KCNG3: variants seen among roughly 807,000 people sequenced by gnomAD.
KCNG3 encodes the protein voltage-gated potassium channel regulatory subunit KCNG3.
A neutral mutation model predicts 29.0 loss-of-function variants in KCNG3; 15 were observed. That is an observed-to-expected ratio of 0.52 (90% CI 0.35 to 0.80). The LOEUF (loss-of-function observed/expected upper bound fraction) is 0.80. KCNG3 is among the 30% of genes least tolerant of loss of function. The probability of loss-of-function intolerance (pLI) is 0.01; values close to 1 mark genes in which losing one functional copy is unlikely to be tolerated. For synonymous variants in KCNG3, 322 were observed against 248.9 expected (o/e 1.29, Z -2.76); for missense variants, 512 against 605.7 (o/e 0.85, Z 1.62).
the KCNG3 span, among the ~76,000 whole-genome samples, chr2:42,414,616 G>T: frequency 6.7e-6 from 1 of 148,952 alleles, no homozygotes; most frequent in Non-Finnish European, 1.5e-5. Flanking sequence ...CTGACAATTT[G>T]TGCCCTTTTT....
the KCNG3 span, among the ~76,000 whole-genome samples, chr2:42,422,104 G>A: frequency 2.6e-5 from 4 of 152,122 alleles, 1 homozygote; most frequent in African/African-American, 9.7e-5. Context: ...GTTTATGAGG[G>A]TGTGGTAAAA....
At chr2:42,408,849 C>T in the KCNG3 span, among the ~76,000 whole-genome samples, 8 of 152,294 alleles carry the variant, frequency 5.3e-5, no homozygotes, top group East Asian at 5.8e-4. Context: ...CAGTCCTTTG[C>T]GGAGCCCAAA....
At chr2:42,404,119 T>A in the KCNG3 span, among the ~76,000 whole-genome samples, 1 of 152,218 alleles carries the variant, frequency 6.6e-6, no homozygotes. Flanking sequence ...GCATGGGCAT[T>A]TGGGAGGCAG....
downstream of KCNG3, among the ~76,000 whole-genome samples, chr2:42,441,287 C>A (rs770083782): frequency 3.9e-5 from 6 of 152,016 alleles, no homozygotes; most frequent in Non-Finnish European, 8.8e-5. Context: ...ACTTGGGAGG[C>A]TGGGGTGGGA....
intron 1 of KCNG3, among the ~76,000 whole-genome samples, chr2:42,492,455 T>G (rs901817324): frequency 5.3e-5 from 8 of 152,196 alleles, no homozygotes; most frequent in African/African-American, 1.7e-4. Flanking sequence ...GGCAAATAAT[T>G]CAAACTGCGC....
At position 42,443,089 on chromosome 2, in the gene KCNG3, G is replaced by A. The variant is rs751107686; in HGVS notation, c.*845C>T. On this transcript the variant is annotated 3_prime_UTR_variant, in exon 2 of 2. Coordinates refer to ENST00000306078, the MANE Select transcript of KCNG3 (RefSeq NM_133329.6). ...AGAGAAGAAGAGGTTGTAATATTGAGTCATCTCAAATTATTCCTATTATAA... is the reference window on the plus strand; with the variant it reads ...AGAGAAGAAGAGGTTGTAATATTGAATCATCTCAAATTATTCCTATTATAA... The A allele has an allele frequency of 5.9e-5, 9 of 152,122 alleles. No individual in the cohort carries two copies. Among genetic ancestry groups the A allele is most frequent in the Non-Finnish European group, 1.0e-4 (7 of 68,018 alleles). 9.4% of individuals were successfully genotyped at this position (152,122 alleles called of 1,614,324 possible). A position where few individuals can be genotyped will look rare whatever the true frequency, so the allele number is the denominator to read the frequency against.
intron 1 of KCNG3, among the ~76,000 whole-genome samples, chr2:42,466,020 T>G (rs973920770): frequency 6.6e-6 from 1 of 152,226 alleles, no homozygotes; most frequent in Non-Finnish European, 1.5e-5. Context: ...TAATGACATT[T>G]CTGTCAACAA....
chr2:42,478,937 G>C (rs923221129), intron 1 of KCNG3, among the ~76,000 whole-genome samples: 3 of 149,992 alleles, frequency 2.0e-5, no homozygotes, highest in Non-Finnish European at 2.9e-5. Flanking sequence ...GTTGGGACTA[G>C]AAGTATTTCA....
chr2:42,473,793 T>TATATTAGAAAA (rs1673353061), intron 1 of KCNG3, among the ~76,000 whole-genome samples: 1 of 152,212 alleles, frequency 6.6e-6, no homozygotes, highest in Admixed American at 6.5e-5. Context: ...TTTCAACACT[T>TATATTAGAAAA]ATATTAGAAA....
intron 1 of KCNG3, among the ~76,000 whole-genome samples, chr2:42,455,036 A>T (rs1408262585): frequency 2.6e-5 from 4 of 152,246 alleles, no homozygotes; most frequent in Non-Finnish European, 5.9e-5. Context: ...TAAGATGGTA[A>T]ATTTTATATT....
intron 1 of KCNG3, among the ~76,000 whole-genome samples, chr2:42,468,070 C>G (rs1012299442): frequency 6.6e-6 from 1 of 151,178 alleles, no homozygotes; most frequent in Non-Finnish European, 1.5e-5. Flanking sequence ...AACACAGATG[C>G]AAAAATTCTA....
At chr2:42,447,567 G>C (rs1013074534) in intron 1 of KCNG3, among the ~76,000 whole-genome samples, 3 of 151,652 alleles carry the variant, frequency 2.0e-5, no homozygotes, top group African/African-American at 7.3e-5. Flanking sequence ...CCATGCTGGA[G>C]TGCAGTGGCA....
chr2:42,482,419 A>C (rs1385188836), intron 1 of KCNG3, among the ~76,000 whole-genome samples: 5 of 152,194 alleles, frequency 3.3e-5, no homozygotes, highest in Non-Finnish European at 7.3e-5. Context: ...CTCTACAAAA[A>C]ATTTAAAAAT....
the KCNG3 span, among the ~76,000 whole-genome samples, chr2:42,420,910 C>T: frequency 2.0e-5 from 3 of 152,174 alleles, no homozygotes; most frequent in Admixed American, 1.3e-4. Context: ...ATTGAATTGA[C>T]CAATTTCTTC....
intron 1 of KCNG3, among the ~76,000 whole-genome samples, chr2:42,449,939 C>G (rs543387731): frequency 1.3e-5 from 2 of 152,164 alleles, no homozygotes; most frequent in Non-Finnish European, 2.9e-5. Context: ...TAGCCAGACA[C>G]AAGCAAGGGC....
chr2:42,492,737 T>A, intron 1 of KCNG3, 100 bp downstream of exon 1: 1 of 1,178,192 alleles, frequency 8.5e-7, no homozygotes, highest in Non-Finnish European at 1.1e-6. Context: ...CCCCGCTGGC[T>A]CGGTCGCCCG....
chr2:42,473,090 G>C (rs1452140082), intron 1 of KCNG3, among the ~76,000 whole-genome samples: 2 of 149,484 alleles, frequency 1.3e-5, no homozygotes, highest in Non-Finnish European at 3.0e-5. Flanking sequence ...TAGAGACGGG[G>C]TTTCACCGTG....
At chr2:42,473,707 G>C (rs905000654) in intron 1 of KCNG3, among the ~76,000 whole-genome samples, 11 of 151,936 alleles carry the variant, frequency 7.2e-5, no homozygotes, top group Admixed American at 6.6e-4. Flanking sequence ...TTAGGTTTTT[G>C]ATAGATGTAG....
intron 1 of KCNG3, among the ~76,000 whole-genome samples, chr2:42,469,093 A>C (rs1183456855): frequency 2.6e-5 from 4 of 151,840 alleles, no homozygotes; most frequent in Non-Finnish European, 5.9e-5. Context: ...TTATTTCAGT[A>C]ATTAAGACAG....
Sources: allele counts gnomAD v4.1 joint callset (sites outside exome capture counted in the v4.1 genomes callset), GRCh38; gene constraint gnomAD v4.1.1; transcripts MANE v1.5; gene names NCBI Gene and HGNC (gene_info 2026-07-23, HGNC 2026-07-21).